TRAPPC10: variants seen among roughly 807,000 people sequenced by gnomAD.
TRAPPC10 encodes trafficking protein particle complex subunit 10, also known as TRAPP 130 kDa subunit.
TRAPPC10 carries 23 observed loss-of-function variants against 125.5 expected under a neutral mutation model. The ratio of observed to expected loss-of-function variants is 0.18; its 90% CI spans 0.13 to 0.26. The LOEUF (loss-of-function observed/expected upper bound fraction) is 0.26, where lower values mean the gene tolerates loss of function less well. Ranked by LOEUF, TRAPPC10 falls within the 10% of genes least tolerant of loss-of-function variation. The pLI is 1.00. For synonymous variants in TRAPPC10, 509 were observed against 518.0 expected, an observed-to-expected ratio of 0.98 and a Z score of 0.24; for missense variants, 1,123 against 1,308.4, an observed-to-expected ratio of 0.86 and a Z score of 2.19.
chr21:44,067,278 G>A (rs1052545671), intron 7 of TRAPPC10, among the ~76,000 whole-genome samples: 6 of 152,206 alleles, frequency 3.9e-5, no homozygotes, highest in Non-Finnish European at 7.3e-5. Flanking sequence ...AGTCAAAGCT[G>A]GCCAGCTGGG....
intron 9 of TRAPPC10, 107 bp downstream of exon 9, chr21:44,075,260 A>C (rs987436362): frequency 1.3e-6 from 1 of 764,018 alleles, no homozygotes; most frequent in African/African-American, 1.7e-5. Context: ...CATATTACTC[A>C]CCATTTGGAA....
rs1335550093 is a variant in TRAPPC10, at chr21:44,060,853, G to A, written c.790+1639G>A. ...TGGCCCCAAGTGATCCTCTTGCCTCGGCTTCCCAAAGTGCTGGGATTATAG... is the reference window on the plus strand; with the variant it reads ...TGGCCCCAAGTGATCCTCTTGCCTCAGCTTCCCAAAGTGCTGGGATTATAG... On this transcript the variant is annotated intron_variant, in intron 6 of 22. Transcript: ENST00000291574. Among the ~76,000 whole-genome samples the A allele has an allele frequency of 4.1e-5, 6 of 147,722 alleles. No individual in the cohort carries two copies. The South Asian group carries it at 6.5e-4, about 16-fold the overall frequency.
chr21:44,094,629 A>G (rs1396150596), intron 20 of TRAPPC10, among the ~76,000 whole-genome samples: 3 of 152,104 alleles, frequency 2.0e-5, no homozygotes. Flanking sequence ...AAAGCTGAAA[A>G]CATATGAAAA....
intron 1 of TRAPPC10, among the ~76,000 whole-genome samples, chr21:44,028,760 A>AGT (rs2033299953): frequency 6.6e-6 from 1 of 152,238 alleles, no homozygotes; most frequent in Non-Finnish European, 1.5e-5. Context: ...GAGGCAGAAC[A>AGT]GTGAACTGGG....
intron 7 of TRAPPC10, among the ~76,000 whole-genome samples, chr21:44,072,252 C>G (rs919858621): frequency 6.6e-6 from 1 of 151,920 alleles, no homozygotes; most frequent in African/African-American, 2.4e-5. Context: ...CCTCAGCTCT[C>G]GGCTGCTGCT....
rs564543713 is a variant in TRAPPC10, at chr21:44,047,342, G to A, written c.286-4938G>A. ...AGTATAGGCGTGTGCCACCGTACCC[G>A]GCTAATTTTTGTATTTTTAGTAAAA... On this transcript the variant is annotated intron_variant, in intron 3 of 22. Coordinates refer to ENST00000291574, the MANE Select transcript of TRAPPC10 (RefSeq NM_003274.5). Among the ~76,000 whole-genome samples the A allele has an allele frequency of 5.9e-5, 9 of 152,088 alleles. No individual in the cohort carries two copies. The East Asian group carries it at 9.7e-4, about 16-fold the overall frequency.
intron 3 of TRAPPC10, among the ~76,000 whole-genome samples, chr21:44,047,551 TGTGTGTGTGTGTGTGC>T (rs1354968168): frequency 6.6e-6 from 1 of 150,810 alleles, no homozygotes; most frequent in African/African-American, 2.5e-5. Flanking sequence ...TGTGTGTGTG[TGTGTGTGTGTGTGTGC>T]GCGCACACGC....
chr21:44,037,586 G>T (rs2034084029), intron 2 of TRAPPC10, among the ~76,000 whole-genome samples: 1 of 152,158 alleles, frequency 6.6e-6, no homozygotes, highest in Non-Finnish European at 1.5e-5. Flanking sequence ...AAGATTTTGT[G>T]GAAATGGAGC....
chr21:44,023,433 T>A (rs1000882286), intron 1 of TRAPPC10, among the ~76,000 whole-genome samples: 11 of 152,110 alleles, frequency 7.2e-5, no homozygotes, highest in African/African-American at 2.4e-4. Flanking sequence ...GTGAACTTAA[T>A]CATTATGAAC....
Position 44,086,852 on chromosome 21 carries a change from G to A in TRAPPC10, c.2431G>A (p.Gly811Ser). 1 of 1,614,134 alleles carries A rather than the reference G, an allele frequency of 6.2e-7. No individual in the cohort carries two copies. Among genetic ancestry groups the A allele is most frequent in the East Asian group, 2.2e-5 (1 of 44,886 alleles). Residue 811 changes from glycine to serine, a missense_variant, in exon 16 of 23, where the codon GGC becomes AGC. Physicochemically the swap from Gly to Ser is moderately conservative, Grantham distance 56. This residue lies in a region of TRAPPC10 where 840 missense variants were observed against 902.0 expected (regional missense o/e 0.93). Transcript: ENST00000291574. ...PQRVKFTVTT[G>S]HYTIKNGDSL... ...GAGAGTCAAGTTCACTGTCACTACC[G>A]GCCATTATACGATAAAGAATGGAGA...
chr21:44,040,245 C>T (rs971373557), intron 3 of TRAPPC10, among the ~76,000 whole-genome samples: 1 of 152,144 alleles, frequency 6.6e-6, no homozygotes, highest in African/African-American at 2.4e-5. Context: ...ATCTTGATCA[C>T]GTTGAGACAT....
chr21:44,032,444 G>A (rs942765873), intron 2 of TRAPPC10, among the ~76,000 whole-genome samples: 8 of 144,084 alleles, frequency 5.6e-5, no homozygotes, highest in South Asian at 2.3e-4. Flanking sequence ...GTGCAGTAGC[G>A]CAATCTCGGC....
Position 44,055,621 on chromosome 21 carries a change from C to G in TRAPPC10, c.483-77C>G. On this transcript the variant is annotated intron_variant, in intron 4 of 22. Transcript: ENST00000291574. ...AGGAGGAAGGAAGAAAATTGCCGCT[C>G]AGGACAATGGCAGCTGCTGAGTCGT... 7 of 1,195,988 alleles carry G rather than the reference C, an allele frequency of 5.9e-6. No individual in the cohort carries two copies. In the South Asian group the frequency reaches 1.4e-4, roughly 24 times the overall value. The allele number at this position is 1,195,988 out of a possible 1,614,324, so 74.1% of individuals were successfully genotyped here.
In TRAPPC10 at chr21:44,052,132, C is replaced by G. The variant is rs907395939; in HGVS notation, c.286-148C>G. ...GAGCACGCCCGCAGGCTTGCTAGGCCGCTGGGCTTTTTATTCAATTTAAGT... is the reference window on the plus strand; with the variant it reads ...GAGCACGCCCGCAGGCTTGCTAGGCGGCTGGGCTTTTTATTCAATTTAAGT... On this transcript the variant is annotated intron_variant, in intron 3 of 22. Coordinates refer to ENST00000291574, the MANE Select transcript of TRAPPC10 (RefSeq NM_003274.5). 6.1e-6 allele frequency: 4 copies of G among 651,694 alleles called. No individual in the cohort carries two copies. In the South Asian group the frequency reaches 9.7e-5, roughly 16 times the overall value. 40.4% of individuals were successfully genotyped at this position (651,694 alleles called of 1,614,324 possible).
intron 1 of TRAPPC10, among the ~76,000 whole-genome samples, chr21:44,015,174 T>C (rs1246176529): frequency 6.6e-6 from 1 of 152,238 alleles, no homozygotes; most frequent in Non-Finnish European, 1.5e-5. Context: ...GATCTGTTCA[T>C]TTTAAAATGA....
chr21:44,062,932 A>G, intron 6 of TRAPPC10: 1 of 1,262,078 alleles, frequency 7.9e-7, no homozygotes, highest in Non-Finnish European at 1.0e-6. Context: ...TTATTTTAAG[A>G]TCATATTTGA....
intron 7 of TRAPPC10, among the ~76,000 whole-genome samples, chr21:44,065,928 C>A (rs142216435): frequency 2.6e-5 from 4 of 152,122 alleles, no homozygotes; most frequent in Non-Finnish European, 5.9e-5. Context: ...CTGGAACTTC[C>A]GGGCTCAAGT....
intron 13 of TRAPPC10, among the ~76,000 whole-genome samples, chr21:44,081,878 CAAAG>C (rs1341551441): frequency 2.0e-5 from 3 of 152,006 alleles, no homozygotes; most frequent in African/African-American, 7.2e-5. Flanking sequence ...GACCCTGTCT[CAAAG>C]AAAGGGGGAC....
intron 17 of TRAPPC10, 174 bp from the exon 18 acceptor site, chr21:44,089,659 G>A (rs138487287): frequency 3.3e-5 from 21 of 627,380 alleles, no homozygotes; most frequent in Non-Finnish European, 5.4e-5. Flanking sequence ...CCTGTTTCTC[G>A]TTGGTTTGTG....
Sources: gnomAD v4.1 joint callset for allele counts (sites outside exome capture counted in the v4.1 genomes callset) on GRCh38, gnomAD v4.1.1 for gene constraint, gnomAD v4.1.1 regional missense constraint, MANE v1.5 for transcripts, NCBI Gene and HGNC (gene_info 2026-07-23, HGNC 2026-07-21) for gene names.